The following RBFOX1 variants were observed in gnomAD, a reference collection of about 807,000 sequenced individuals.
RBFOX1 encodes the protein RNA binding protein fox-1 homolog 1.
Under a neutral mutation model 57.7 loss-of-function variants are expected in RBFOX1, and 8 were observed. The observed-to-expected ratio is 0.14, with a 90% CI of 0.08 to 0.25. RBFOX1 has a LOEUF of 0.25. Ranked by LOEUF, RBFOX1 falls within the 10% of genes least tolerant of loss-of-function variation. The pLI is 1.00. For synonymous variants in RBFOX1, 326 were observed against 222.4 expected, an observed-to-expected ratio of 1.47 and a Z score of -4.15; for missense variants, 611 against 548.5, an observed-to-expected ratio of 1.11 and a Z score of -1.14.
intron 1 of RBFOX1, among the ~76,000 whole-genome samples, chr16:6,263,590 C>A (rs1475979341): frequency 1.3e-5 from 2 of 152,168 alleles, no homozygotes; most frequent in Non-Finnish European, 2.9e-5. Context: ...TCAACAAGAA[C>A]TAGTCTCCCT....
At chr16:7,622,134 G>C (rs994532076) in intron 10 of RBFOX1, among the ~76,000 whole-genome samples, 1 of 152,160 alleles carries the variant, frequency 6.6e-6, no homozygotes, top group African/African-American at 2.4e-5. Flanking sequence ...TAGTTGGTCA[G>C]CACTTGATTT....
At chr16:7,154,158 T>C (rs114596305) in intron 4 of RBFOX1, among the ~76,000 whole-genome samples, 1,891 of 152,286 alleles carry the variant, frequency 0.012, 54 homozygotes, top group African/African-American at 0.043. Context: ...CAAAAGTTAT[T>C]TGTTGAGCAC....
intron 4 of RBFOX1, among the ~76,000 whole-genome samples, chr16:7,434,906 A>C (rs2098710237): frequency 6.6e-6 from 1 of 151,926 alleles, no homozygotes; most frequent in Non-Finnish European, 1.5e-5. Flanking sequence ...CACTGGGCTA[A>C]TTTTTGTATT....
chr16:7,376,695 A>G (rs914536838), intron 4 of RBFOX1, among the ~76,000 whole-genome samples: 1 of 152,020 alleles, frequency 6.6e-6, no homozygotes, highest in Non-Finnish European at 1.5e-5. Flanking sequence ...CAGCAGAGGA[A>G]TTTTTTTTCC....
chr16:6,927,845 A>T (rs1260305883), intron 3 of RBFOX1, among the ~76,000 whole-genome samples: 1 of 152,226 alleles, frequency 6.6e-6, no homozygotes, highest in South Asian at 2.1e-4. Context: ...GAAAATGTGG[A>T]TCTCACAACA....
At chr16:6,057,615 C>T (rs942592662) in intron 1 of RBFOX1, among the ~76,000 whole-genome samples, 5 of 152,126 alleles carry the variant, frequency 3.3e-5, no homozygotes, top group Admixed American at 3.3e-4. Flanking sequence ...AAGAATGCCG[C>T]CAGGCGTTTA....
chr16:5,649,719 T>A (rs1404148088), intron 3 of RBFOX1, among the ~76,000 whole-genome samples: 1 of 152,204 alleles, frequency 6.6e-6, no homozygotes, highest in Non-Finnish European at 1.5e-5. Flanking sequence ...TGAATTTACA[T>A]TTCTCTTTTC....
rs531268480 is a variant in RBFOX1, at chr16:6,396,520, G to C, written c.-64+79463G>C. ...TCTGAAGCATATTTATATAAAAGAG[G>C]CTCTAGGGGAGCCCGTGGGAAGCCA... On this transcript the variant is annotated intron_variant, in intron 2 of 15. Coordinates refer to ENST00000550418, the MANE Select transcript of RBFOX1 (RefSeq NM_018723.4). 2.5e-4 allele frequency among the ~76,000 whole-genome samples: 38 copies of C among 152,236 alleles called. 1 individual carries two copies. The South Asian group carries it at 6.7e-3, about 27-fold the overall frequency.
intron 3 of RBFOX1, among the ~76,000 whole-genome samples, chr16:6,780,402 ATATATATT>A (rs2080715764): frequency 2.6e-5 from 2 of 76,466 alleles, no homozygotes; most frequent in African/African-American, 1.4e-4. Flanking sequence ...ATATATTTTT[ATATATATT>A]TATATATATT....
At chr16:5,271,865 C>T (rs1320702494) in intron 1 of RBFOX1, among the ~76,000 whole-genome samples, 2 of 152,284 alleles carry the variant, frequency 1.3e-5, no homozygotes, top group East Asian at 3.9e-4. Context: ...CTTTCTGTGC[C>T]TGGCTTATTT....
intron 2 of RBFOX1, among the ~76,000 whole-genome samples, chr16:6,547,121 T>C (rs988556181): frequency 1.3e-5 from 2 of 152,234 alleles, no homozygotes; most frequent in Admixed American, 6.5e-5. Flanking sequence ...GAATAAAGTA[T>C]CTGGCGCTCT....
chr16:7,523,746 T>G (rs369260940), intron 5 of RBFOX1, among the ~76,000 whole-genome samples: 110 of 152,322 alleles, frequency 7.2e-4, no homozygotes, highest in Non-Finnish European at 1.2e-3. Flanking sequence ...GCTGTCTCGT[T>G]TTTTGTTACA....
At chr16:6,587,968 G>A (rs907446326) in intron 2 of RBFOX1, among the ~76,000 whole-genome samples, 13 of 152,148 alleles carry the variant, frequency 8.5e-5, no homozygotes, top group Non-Finnish European at 1.3e-4. Context: ...AGTGGCTCAC[G>A]CCTGTAATCC....
At chr16:6,593,754 G>C (rs2097747905) in intron 2 of RBFOX1, among the ~76,000 whole-genome samples, 1 of 152,162 alleles carries the variant, frequency 6.6e-6, no homozygotes, top group African/African-American at 2.4e-5. Context: ...CTGGAACAGA[G>C]AGGAGGAGAA....
At chr16:5,665,571 A>G (rs895843869) in intron 3 of RBFOX1, among the ~76,000 whole-genome samples, 8 of 152,238 alleles carry the variant, frequency 5.3e-5, no homozygotes, top group African/African-American at 1.7e-4. Flanking sequence ...CCACAGGGGC[A>G]GGGACCTTTG....
Position 6,201,307 on chromosome 16 carries a change from T to G in RBFOX1, c.-126-115688T>G, listed in dbSNP as rs559239130. Reference sequence around the variant, plus strand: ...CTTCTTTATAAGGGTTTTCTTTTCTTTGGGAGAGAGCCAGCAGAAGGATTG... The same window carrying G: ...CTTCTTTATAAGGGTTTTCTTTTCTGTGGGAGAGAGCCAGCAGAAGGATTG... On this transcript the variant is annotated intron_variant, in intron 1 of 15. Coordinates refer to ENST00000550418, the MANE Select transcript of RBFOX1 (RefSeq NM_018723.4). Among the ~76,000 whole-genome samples, 14 of 152,280 alleles carry G rather than the reference T, an allele frequency of 9.2e-5. 1 individual carries two copies. In the South Asian group the frequency reaches 2.7e-3, roughly 29 times the overall value.
intron 2 of RBFOX1, among the ~76,000 whole-genome samples, chr16:6,545,784 A>G (rs957864863): frequency 1.3e-5 from 2 of 152,214 alleles, no homozygotes; most frequent in East Asian, 1.9e-4. Context: ...TGAGGAAGGC[A>G]TATAGTGGAC....
chr16:6,678,699 A>T (rs190563859), intron 3 of RBFOX1, among the ~76,000 whole-genome samples: 1 of 152,004 alleles, frequency 6.6e-6, no homozygotes, highest in Non-Finnish European at 1.5e-5. Flanking sequence ...GAATCCTTTA[A>T]GCTCTGTGTA....
intron 13 of RBFOX1, among the ~76,000 whole-genome samples, chr16:7,672,390 T>G (rs2071761310): frequency 6.6e-6 from 1 of 152,226 alleles, no homozygotes; most frequent in African/African-American, 2.4e-5. Flanking sequence ...TTCAGTATTA[T>G]GAGTGAATTA....
Sources: allele counts gnomAD v4.1 joint callset (sites outside exome capture counted in the v4.1 genomes callset), GRCh38; gene constraint gnomAD v4.1.1; transcripts MANE v1.5; gene names NCBI Gene and HGNC (gene_info 2026-07-23, HGNC 2026-07-21).